EXOC4: variants seen among roughly 807,000 people sequenced by gnomAD.
EXOC4 encodes the protein exocyst complex component 4, also known as SEC8-like 1.
A neutral mutation model predicts 107.2 loss-of-function variants in EXOC4; 71 were observed. That is an observed-to-expected ratio of 0.66 (90% CI 0.55 to 0.81). The LOEUF (loss-of-function observed/expected upper bound fraction) is 0.81. Ranked by LOEUF, EXOC4 falls within the 30% of genes least tolerant of loss-of-function variation. The pLI, the probability that EXOC4 is intolerant of heterozygous loss-of-function variation, is 0.00. For synonymous variants in EXOC4, 456 were observed against 441.2 expected, an observed-to-expected ratio of 1.03 and a Z score of -0.42; for missense variants, 1,108 against 1,189.6, an observed-to-expected ratio of 0.93 and a Z score of 1.01.
intron 10 of EXOC4, among the ~76,000 whole-genome samples, chr7:133,774,845 T>C (rs541729715): frequency 6.6e-6 from 1 of 152,130 alleles, no homozygotes; most frequent in Non-Finnish European, 1.5e-5. Context: ...CAATTCAAAG[T>C]TTATGATTAT....
At chr7:133,443,739 C>G (rs1015647427) in intron 7 of EXOC4, among the ~76,000 whole-genome samples, 1 of 152,110 alleles carries the variant, frequency 6.6e-6, no homozygotes, top group Non-Finnish European at 1.5e-5. Context: ...TCTAAGGACC[C>G]CAGAGCTCCA....
intron 12 of EXOC4, among the ~76,000 whole-genome samples, chr7:133,897,768 T>G (rs1799353229): frequency 6.6e-6 from 1 of 152,142 alleles, no homozygotes; most frequent in African/African-American, 2.4e-5. Context: ...GATGTTCTGA[T>G]ATATGAATAC....
chr7:133,341,658 GCTGT>G (rs1351488604), intron 5 of EXOC4, among the ~76,000 whole-genome samples: 6 of 152,092 alleles, frequency 3.9e-5, no homozygotes, highest in Non-Finnish European at 8.8e-5. Flanking sequence ...TTATCGTGTT[GCTGT>G]CTATCTCATT....
intron 5 of EXOC4, among the ~76,000 whole-genome samples, chr7:133,327,192 C>T (rs771560845): frequency 2.0e-5 from 3 of 152,212 alleles, no homozygotes; most frequent in Non-Finnish European, 4.4e-5. Context: ...TCAGCTCACG[C>T]TTGGTGGGCT....
the EXOC4 span, among the ~76,000 whole-genome samples, chr7:134,094,043 G>A: frequency 1.3e-5 from 2 of 152,066 alleles, no homozygotes; most frequent in Non-Finnish European, 2.9e-5. Context: ...GAACCCCAGA[G>A]CTAGCAGAAG....
intron 7 of EXOC4, among the ~76,000 whole-genome samples, chr7:133,466,963 C>T (rs1229065747): frequency 6.6e-6 from 1 of 152,102 alleles, no homozygotes. Flanking sequence ...ATAAAAGGCA[C>T]TTGTGAGAAA....
At chr7:133,690,445 C>T (rs544728894) in intron 10 of EXOC4, among the ~76,000 whole-genome samples, 1 of 152,234 alleles carries the variant, frequency 6.6e-6, no homozygotes, top group African/African-American at 2.4e-5. Flanking sequence ...GTTACCATTA[C>T]CTTCTTCTTT....
At chr7:133,657,552 C>T (rs1203030448) in intron 10 of EXOC4, among the ~76,000 whole-genome samples, 1 of 152,140 alleles carries the variant, frequency 6.6e-6, no homozygotes, top group African/African-American at 2.4e-5. Context: ...AGTTTCTTCT[C>T]ATCTAACCAG....
intron 6 of EXOC4, among the ~76,000 whole-genome samples, chr7:133,373,999 A>C (rs2150688228): frequency 6.6e-6 from 1 of 152,334 alleles, no homozygotes. Flanking sequence ...TCAGAGGAAG[A>C]AAAGATGATT....
intron 17 of EXOC4, among the ~76,000 whole-genome samples, chr7:134,021,828 A>G (rs1327857665): frequency 6.6e-6 from 1 of 151,900 alleles, no homozygotes; most frequent in Non-Finnish European, 1.5e-5. Flanking sequence ...CAATTGCCTC[A>G]ACTTTTCAGC....
At chr7:133,282,906 T>C (rs1019796095) in intron 2 of EXOC4, among the ~76,000 whole-genome samples, 4 of 152,240 alleles carry the variant, frequency 2.6e-5, no homozygotes, top group Non-Finnish European at 4.4e-5. Flanking sequence ...TGAAGTATTG[T>C]ATCCTTTGAC....
At chr7:133,743,751 A>G (rs1795617149) in intron 10 of EXOC4, among the ~76,000 whole-genome samples, 1 of 152,186 alleles carries the variant, frequency 6.6e-6, no homozygotes, top group South Asian at 2.1e-4. Flanking sequence ...GGCTTAATCA[A>G]CAAGCCACAC....
At chr7:133,434,530 A>C (rs1797925073) in intron 7 of EXOC4, among the ~76,000 whole-genome samples, 1 of 152,120 alleles carries the variant, frequency 6.6e-6, no homozygotes, top group Non-Finnish European at 1.5e-5. Flanking sequence ...TCATTTTGCA[A>C]ACTGTAAAGT....
chr7:133,482,763 C>G (rs1357166353), intron 9 of EXOC4, among the ~76,000 whole-genome samples: 1 of 152,184 alleles, frequency 6.6e-6, no homozygotes, highest in Non-Finnish European at 1.5e-5. Flanking sequence ...CAAAAAGTGT[C>G]TGACATATAG....
intron 10 of EXOC4, among the ~76,000 whole-genome samples, chr7:133,684,637 G>T (rs1310553259): frequency 6.6e-6 from 1 of 152,166 alleles, no homozygotes; most frequent in Non-Finnish European, 1.5e-5. Context: ...CAGTACAAAG[G>T]AGTTAGAAAT....
chr7:133,854,541 C>T (rs1231118033), intron 11 of EXOC4, among the ~76,000 whole-genome samples: 2 of 151,942 alleles, frequency 1.3e-5, no homozygotes, highest in East Asian at 1.9e-4. Context: ...TCTTACTGAT[C>T]GTTGCTGATA....
intron 9 of EXOC4, among the ~76,000 whole-genome samples, chr7:133,582,627 T>C (rs1801304922): frequency 6.6e-6 from 1 of 152,138 alleles, no homozygotes; most frequent in African/African-American, 2.4e-5. Flanking sequence ...ATGAAAGTTT[T>C]TCGTAATGTT....
chr7:133,730,995 A>G (rs1795314532), intron 10 of EXOC4, among the ~76,000 whole-genome samples: 1 of 152,188 alleles, frequency 6.6e-6, no homozygotes, highest in Admixed American at 6.5e-5. Flanking sequence ...CAAATGGAAG[A>G]TAGGATTTAG....
At chr7:133,289,548 A>T (rs1252455336) in intron 3 of EXOC4, among the ~76,000 whole-genome samples, 1 of 152,192 alleles carries the variant, frequency 6.6e-6, no homozygotes, top group Non-Finnish European at 1.5e-5. Flanking sequence ...ATTGATAAGA[A>T]ATAAAATTTT....
Sources: gnomAD v4.1 joint callset for allele counts (sites outside exome capture counted in the v4.1 genomes callset) on GRCh38, gnomAD v4.1.1 for gene constraint, MANE v1.5 for transcripts, NCBI Gene and HGNC (gene_info 2026-07-23, HGNC 2026-07-21) for gene names.